Variants in VNN1 observed in about 807,000 individuals in gnomAD.
VNN1 encodes the protein vanin 1.
Under a neutral mutation model 41.9 loss-of-function variants are expected in VNN1, and 29 were observed. That is an observed-to-expected ratio of 0.69 (90% confidence interval 0.52 to 0.94). The LOEUF is 0.94. VNN1 is among the 40% of genes least tolerant of loss of function. The pLI is 0.00. For missense variants in VNN1, 637 were observed against 621.1 expected (o/e 1.03, Z -0.27); for synonymous variants, 233 against 224.4 (o/e 1.04, Z -0.34).
At chr6:132,688,606 T>C (rs1225896971) in intron 5 of VNN1, among the ~76,000 whole-genome samples, 1 of 152,178 alleles carries the variant, frequency 6.6e-6, no homozygotes, top group Non-Finnish European at 1.5e-5. Context: ...TCTCTTGTTT[T>C]GTGACCAACT....
intron 2 of VNN1, among the ~76,000 whole-genome samples, chr6:132,710,097 G>A (rs1019601522): frequency 2.0e-5 from 3 of 152,120 alleles, no homozygotes; most frequent in African/African-American, 7.2e-5. Flanking sequence ...TACCCAGGCT[G>A]GAGTGCAGTG....
At chr6:132,690,232 T>C (rs944848851) in intron 5 of VNN1, among the ~76,000 whole-genome samples, 10 of 152,194 alleles carry the variant, frequency 6.6e-5, no homozygotes, top group African/African-American at 2.4e-4. Context: ...TTCCACCAGC[T>C]GACCATCACC....
At chr6:132,697,003 G>C (rs1213265334) in intron 2 of VNN1, among the ~76,000 whole-genome samples, 2 of 152,170 alleles carry the variant, frequency 1.3e-5, no homozygotes, top group Non-Finnish European at 2.9e-5. Context: ...TACTCAGGAG[G>C]CTGAGGCAGC....
In VNN1 at chr6:132,681,544, G is replaced by A. The variant is rs1778121410; in HGVS notation, c.*1596C>T. The A allele has an allele frequency of 6.6e-6, 1 of 152,202 alleles. No individual in the cohort carries two copies. The highest frequency in any genetic ancestry group is 2.1e-4 in the South Asian group (1 of 4,834). 9.4% of individuals were successfully genotyped at this position (152,202 alleles called of 1,614,324 possible). ...GGGCAATTCATTACACCACAAGGGA[G>A]ACCTACTATAGTTGACAACGTTGAG... On this transcript the variant is annotated 3_prime_UTR_variant, in exon 7 of 7. Transcript: ENST00000367928.
chr6:132,694,343 A>G, intron 2 of VNN1, among the ~76,000 whole-genome samples, 161 bp from the exon 3 acceptor site: 1 of 152,254 alleles, frequency 6.6e-6, no homozygotes, highest in East Asian at 1.9e-4. Flanking sequence ...AAAGGAGTTC[A>G]GAGGAAGCCC....
chr6:132,700,339 C>A (rs953141791), intron 2 of VNN1, among the ~76,000 whole-genome samples: 1 of 152,146 alleles, frequency 6.6e-6, no homozygotes, highest in Non-Finnish European at 1.5e-5. Context: ...GCATTGTCTG[C>A]CCAAACCCTC....
Position 132,693,394 on chromosome 6 carries a change from A to G in VNN1, c.535-79T>C, listed in dbSNP as rs1778321136. ...ACATCACAGTGTGGGAAAAAGTACA[A>G]GCTCACATCTTAGTGCCAATTTCAT... On this transcript the variant is annotated intron_variant, in intron 3 of 6. Coordinates refer to ENST00000367928, the MANE Select transcript of VNN1 (RefSeq NM_004666.3). 3 of 1,373,202 alleles carry G rather than the reference A, an allele frequency of 2.2e-6. No homozygotes were observed. The Admixed American group carries it at 8.1e-5, about 37-fold the overall frequency. 85.1% of individuals were successfully genotyped at this position (1,373,202 alleles called of 1,614,324 possible).
At chr6:132,713,434 G>A (rs113453231) in intron 1 of VNN1, among the ~76,000 whole-genome samples, 166 of 152,208 alleles carry the variant, frequency 1.1e-3, no homozygotes, top group African/African-American at 3.4e-3. Flanking sequence ...AAATTTATTC[G>A]AAAACCTGCA....
At chr6:132,689,294 T>C (rs1277122371) in intron 5 of VNN1, among the ~76,000 whole-genome samples, 2 of 151,698 alleles carry the variant, frequency 1.3e-5, no homozygotes, top group African/African-American at 4.9e-5. Context: ...CATACACACA[T>C]ACACACACAT....
At chr6:132,705,120 T>A (rs558962751) in intron 2 of VNN1, among the ~76,000 whole-genome samples, 1 of 152,112 alleles carries the variant, frequency 6.6e-6, no homozygotes, top group Non-Finnish European at 1.5e-5. Context: ...CTAATACAAA[T>A]CCTATTCAAA....
chr6:132,697,022 G>A lies in VNN1; in HGVS notation c.342-2840C>T, dbSNP rs374127745. Among the ~76,000 whole-genome samples the A allele has an allele frequency of 1.7e-3, 264 of 152,132 alleles. 3 individuals carry two copies. Among genetic ancestry groups the A allele is most frequent in the East Asian group, 0.011 (59 of 5,166 alleles). On this transcript the variant is annotated intron_variant, in intron 2 of 6. Transcript: ENST00000367928. Reference sequence around the variant, plus strand: ...CAGGAGGCTGAGGCAGCAGAATGGCGTGAACTCGGGAGGTGGAGCTTGCAG... The same window carrying A: ...CAGGAGGCTGAGGCAGCAGAATGGCATGAACTCGGGAGGTGGAGCTTGCAG...
At chr6:132,696,171 G>GA (rs35668473) in intron 2 of VNN1, among the ~76,000 whole-genome samples, 6,917 of 152,160 alleles carry the variant, frequency 0.045, 351 homozygotes, top group South Asian at 0.14. Context: ...ATCTGGAGCT[G>GA]AAAATTACAA....
chr6:132,683,609 A>G lies in VNN1; in HGVS notation c.1360-287T>C, dbSNP rs564857580. Among the ~76,000 whole-genome samples, 4 of 152,318 alleles carry G rather than the reference A, an allele frequency of 2.6e-5. No homozygotes were observed. In the South Asian group the frequency reaches 8.3e-4, roughly 32 times the overall value. On this transcript the variant is annotated intron_variant, in intron 6 of 6. Transcript: ENST00000367928. The stretch of plus-strand genomic sequence containing the variant: ...ACCAGTGGATTTGGCAGTATACAGA[A>G]GAGAAACCTAGTCCTCTCAGACAAG...
intron 2 of VNN1, among the ~76,000 whole-genome samples, chr6:132,708,824 A>C (rs9493414): frequency 0.015 from 2,304 of 152,108 alleles, 67 homozygotes; most frequent in African/African-American, 0.052. Flanking sequence ...TATTCTCAAC[A>C]TTGCGCTCCT....
intron 2 of VNN1, among the ~76,000 whole-genome samples, chr6:132,701,064 C>A (rs1453305134): frequency 6.6e-6 from 1 of 152,082 alleles, no homozygotes; most frequent in Non-Finnish European, 1.5e-5. Flanking sequence ...GTGAAACATT[C>A]AAATCAAAGC....
rs929941906 is a variant in VNN1, at chr6:132,681,114, C to T, written c.*2026G>A. Among the ~76,000 whole-genome samples, 3 of 152,100 alleles carry T rather than the reference C, an allele frequency of 2.0e-5. No individual in the cohort carries two copies. Among genetic ancestry groups the T allele is most frequent in the Non-Finnish European group, 2.9e-5 (2 of 68,032 alleles). ...TCTCAACTCTGTTTGATTCTGTCCA[C>T]GTTGTGCCATTGTTGGTCCATGTGA... On this transcript the variant is annotated 3_prime_UTR_variant, in exon 7 of 7. Transcript: ENST00000367928.
chr6:132,685,412 C>A (rs1233358011), intron 5 of VNN1, among the ~76,000 whole-genome samples: 1 of 152,148 alleles, frequency 6.6e-6, no homozygotes, highest in Non-Finnish European at 1.5e-5. Flanking sequence ...CACTTCAGTG[C>A]AAGTGTATTA....
chr6:132,708,828 C>T (rs12524890), intron 2 of VNN1, among the ~76,000 whole-genome samples: 7,071 of 152,174 alleles, frequency 0.046, 352 homozygotes, highest in South Asian at 0.14. Flanking sequence ...CTCAACATTG[C>T]GCTCCTCCTG....
rs145985847 is a variant in VNN1 at position 132,683,470 on chromosome 6, A to C, written c.1360-148T>G. ...AAAAATTTGAAATGTTGCCAAGTAC[A>C]AGAAAAATTGGAGCTATGAAACTGG... On this transcript the variant is annotated intron_variant, in intron 6 of 6. Coordinates refer to ENST00000367928, the MANE Select transcript of VNN1 (RefSeq NM_004666.3). 4.8e-4 allele frequency: 398 copies of C among 830,448 alleles called. 1 individual carries two copies. The African/African-American group carries it at 6.2e-3, about 13-fold the overall frequency. The allele number at this position is 830,448 out of a possible 1,614,324, so 51.4% of individuals were successfully genotyped here.
Sources: allele counts gnomAD v4.1 joint callset (sites outside exome capture counted in the v4.1 genomes callset), GRCh38; gene constraint gnomAD v4.1.1; transcripts MANE v1.5; gene names NCBI Gene and HGNC (gene_info 2026-07-23, HGNC 2026-07-21).